PCED1B: variants seen among roughly 807,000 people sequenced by gnomAD.
The protein encoded by PCED1B is PC-esterase domain containing 1B, also known as PC-esterase domain-containing protein 1B.
For synonymous variants in PCED1B, 251 were observed against 246.1 expected (o/e 1.02, Z -0.19); for missense variants, 573 against 573.9 (o/e 1.00, Z 0.02).
intron 2 of PCED1B, among the ~76,000 whole-genome samples, chr12:47,197,238 C>CAAAAAAAAAAAAAAA (rs57095369): frequency 1.7e-5 from 1 of 58,616 alleles, no homozygotes; most frequent in Non-Finnish European, 2.9e-5. Context: ...GACTCTGTCT[C>CAAAAAAAAAAAAAAA]AAAAAAAAAA....
chr12:47,185,404 C>T (rs538481619), intron 2 of PCED1B, among the ~76,000 whole-genome samples: 5 of 152,246 alleles, frequency 3.3e-5, no homozygotes, highest in East Asian at 1.9e-4. Flanking sequence ...AGCTGCAAGC[C>T]GAGGAATGCC....
At chr12:47,144,403 C>T (rs1274898547) in intron 2 of PCED1B, among the ~76,000 whole-genome samples, 1 of 152,152 alleles carries the variant, frequency 6.6e-6, no homozygotes, top group Non-Finnish European at 1.5e-5. Context: ...CTTGATGATT[C>T]TTTCTGTCCA....
rs571824947 is a variant in PCED1B at position 47,234,886 on chromosome 12, A to G, written c.-57-121A>G. 4 of 481,414 alleles carry G rather than the reference A, an allele frequency of 8.3e-6. No individual in the cohort carries two copies. In the South Asian group the frequency reaches 2.6e-4, roughly 31 times the overall value. 29.8% of individuals were successfully genotyped at this position (481,414 alleles called of 1,614,324 possible). On this transcript the variant is annotated intron_variant, in intron 3 of 3. Coordinates refer to ENST00000546455, the MANE Select transcript of PCED1B (RefSeq NM_138371.3). ...CCTGTTATGCGGGCACTCCAGGTCC[A>G]CTCCCTCAGGGCAGAGGCCACAGCG... is the stretch of plus-strand genomic sequence containing the variant.
chr12:47,212,473 C>G (rs940774859), intron 2 of PCED1B, among the ~76,000 whole-genome samples: 2 of 152,098 alleles, frequency 1.3e-5, no homozygotes, highest in African/African-American at 4.8e-5. Flanking sequence ...GTCCAGGACC[C>G]AGGAAGCCTG....
chr12:47,167,155 T>C (rs997694041), intron 2 of PCED1B, among the ~76,000 whole-genome samples: 6 of 152,212 alleles, frequency 3.9e-5, no homozygotes, highest in Admixed American at 1.3e-4. Context: ...GATGGAAATG[T>C]TCTAAATTTT....
rs568133733 is a variant in PCED1B at position 47,089,003 on chromosome 12, G to T, written c.-609+9278G>T. On this transcript the variant is annotated intron_variant, in intron 1 of 3. Coordinates refer to ENST00000546455, the MANE Select transcript of PCED1B (RefSeq NM_138371.3). ...ACAGTGAACATTAATATGTTTGTTT[G>T]TAGGGGTACCTGGGTGCAAGATAGG... is the stretch of plus-strand genomic sequence containing the variant. Among the ~76,000 whole-genome samples, 64 of 152,236 alleles carry T rather than the reference G, an allele frequency of 4.2e-4. 1 individual carries two copies. In the Middle Eastern group the frequency reaches 0.024, roughly 57 times the overall value.
intron 2 of PCED1B, among the ~76,000 whole-genome samples, chr12:47,104,810 A>G (rs1467353658): frequency 1.3e-5 from 2 of 152,166 alleles, no homozygotes; most frequent in East Asian, 3.9e-4. Context: ...AGCCACCCAC[A>G]GCAGCCTCCA....
At chr12:47,090,419 C>G (rs1223841329) in intron 1 of PCED1B, among the ~76,000 whole-genome samples, 1 of 152,094 alleles carries the variant, frequency 6.6e-6, no homozygotes, top group Non-Finnish European at 1.5e-5. Context: ...ATTACATAAG[C>G]AGAAGTTAAG....
chr12:47,114,982 G>A (rs1339609686), intron 2 of PCED1B, among the ~76,000 whole-genome samples: 5 of 152,130 alleles, frequency 3.3e-5, no homozygotes, highest in African/African-American at 1.2e-4. Flanking sequence ...TCCAAAGTTG[G>A]TATCTTTTTC....
At chr12:47,109,293 T>C (rs1228177915) in intron 2 of PCED1B, among the ~76,000 whole-genome samples, 1 of 152,134 alleles carries the variant, frequency 6.6e-6, no homozygotes, top group Non-Finnish European at 1.5e-5. Flanking sequence ...TGGAGGCAGG[T>C]GGCAAGTTGA....
chr12:47,186,339 G>A (rs1942266558), intron 2 of PCED1B, among the ~76,000 whole-genome samples: 1 of 152,018 alleles, frequency 6.6e-6, no homozygotes, highest in Non-Finnish European at 1.5e-5. Context: ...GCAAATTGTG[G>A]GAAGGCAAAT....
At chr12:47,188,637 G>C (rs1565591134) in intron 2 of PCED1B, among the ~76,000 whole-genome samples, 1 of 152,180 alleles carries the variant, frequency 6.6e-6, no homozygotes, top group Non-Finnish European at 1.5e-5. Flanking sequence ...AACAAGAGTA[G>C]CAGAGTCTTG....
At chr12:47,083,619 C>T (rs1937846000) in intron 1 of PCED1B, among the ~76,000 whole-genome samples, 1 of 152,170 alleles carries the variant, frequency 6.6e-6, no homozygotes, top group Non-Finnish European at 1.5e-5. Flanking sequence ...CCAGATCTCT[C>T]ACCCCATCCT....
chr12:47,144,653 T>C (rs1356898957), intron 2 of PCED1B, among the ~76,000 whole-genome samples: 1 of 152,224 alleles, frequency 6.6e-6, no homozygotes, highest in African/African-American at 2.4e-5. Context: ...CTAGGCTATG[T>C]GATGGACCCA....
rs1317345940 is a variant in PCED1B, at chr12:47,089,468, A to G, written c.-609+9743A>G. The stretch of plus-strand genomic sequence containing the variant: ...TCTCAAAAAAAAAAAATACATATAT[A>G]TATATATATATATATATATATATAT... On this transcript the variant is annotated intron_variant, in intron 1 of 3. Transcript: ENST00000546455. 3.9e-4 allele frequency among the ~76,000 whole-genome samples: 36 copies of G among 93,504 alleles called. 1 individual carries two copies. In the South Asian group the frequency reaches 8.4e-3, roughly 22 times the overall value. 61.3% of individuals were successfully genotyped at this position (93,504 alleles called of 152,430 possible).
intron 2 of PCED1B, among the ~76,000 whole-genome samples, chr12:47,181,467 G>A (rs890680669): frequency 1.3e-5 from 2 of 151,512 alleles, no homozygotes; most frequent in Non-Finnish European, 2.9e-5. Flanking sequence ...AGGTTCAAGT[G>A]ATTCTCCTGC....
At chr12:47,214,041 G>C (rs1163239134) in intron 2 of PCED1B, among the ~76,000 whole-genome samples, 2 of 152,128 alleles carry the variant, frequency 1.3e-5, no homozygotes, top group Non-Finnish European at 2.9e-5. Context: ...AGAATTGCTA[G>C]AACTAAATAA....
chr12:47,141,483 G>A (rs966767368), intron 2 of PCED1B, among the ~76,000 whole-genome samples: 1 of 152,152 alleles, frequency 6.6e-6, no homozygotes, highest in Non-Finnish European at 1.5e-5. Context: ...AGGGACCTGG[G>A]AGGACTCACA....
chr12:47,235,266 G>A lies in PCED1B; in HGVS notation c.203G>A (p.Gly68Asp). 1 of 1,614,040 alleles carries A rather than the reference G, an allele frequency of 6.2e-7. No homozygotes were observed. The highest frequency in any genetic ancestry group is 8.5e-7 in the Non-Finnish European group (1 of 1,179,974). Residue 68 changes from glycine (G) to aspartate (D), a missense_variant, in exon 4 of 4, where the codon GGC becomes GAC. Coordinates refer to ENST00000546455, the MANE Select transcript of PCED1B (RefSeq NM_138371.3). Reference protein sequence around the residue: ...QDELVDGGQRGHMHNGLNYRE... With the variant: ...QDELVDGGQRDHMHNGLNYRE... ...GAGCTGGTGGACGGAGGCCAGCGGG[G>A]CCACATGCACAACGGCCTTAACTAC...
Sources: allele counts gnomAD v4.1 joint callset (sites outside exome capture counted in the v4.1 genomes callset), GRCh38; gene constraint gnomAD v4.1.1; transcripts MANE v1.5; gene names NCBI Gene and HGNC (gene_info 2026-07-23, HGNC 2026-07-21).